Variants in EIF2AK4 observed in about 807,000 individuals in gnomAD.
EIF2AK4 encodes eukaryotic translation initiation factor 2 alpha kinase 4, also known as eIF-2-alpha kinase GCN2.
EIF2AK4 carries 139 observed loss-of-function variants against 211.1 expected under a neutral mutation model. The ratio of observed to expected loss-of-function variants is 0.66; its 90% CI spans 0.57 to 0.76. The LOEUF (loss-of-function observed/expected upper bound fraction) is 0.76, where lower values mean the gene tolerates loss of function less well. Ranked by LOEUF, EIF2AK4 falls within the 30% of genes least tolerant of loss-of-function variation. The pLI, the probability that EIF2AK4 is intolerant of heterozygous loss-of-function variation, is 0.00. For synonymous variants in EIF2AK4, 710 were observed against 751.3 expected, an observed-to-expected ratio of 0.94 and a Z score of 0.90; for missense variants, 1,664 against 2,043.8, an observed-to-expected ratio of 0.81 and a Z score of 3.58.
At chr15:40,022,216 A>ATGTGTGTGTGTG in intron 31 of EIF2AK4, 1 of 146,216 alleles carries the variant, frequency 6.8e-6, no homozygotes, top group Non-Finnish European at 1.4e-5. Context: ...GTGTGTGTGT[A>ATGTGTGTGTGTG]TGTTGTGTTG....
At chr15:39,972,740 G>A (rs2034642249) in intron 9 of EIF2AK4, among the ~76,000 whole-genome samples, 168 bp from the exon 10 acceptor site, 1 of 152,028 alleles carries the variant, frequency 6.6e-6, no homozygotes, top group South Asian at 2.1e-4. Flanking sequence ...AATCCTGCAG[G>A]AATGTTTATT....
intron 20 of EIF2AK4, among the ~76,000 whole-genome samples, chr15:39,999,120 A>T (rs180889154): frequency 6.6e-6 from 1 of 152,226 alleles, no homozygotes; most frequent in Non-Finnish European, 1.5e-5. Flanking sequence ...TGGGGCTTTA[A>T]GAAAAAAATA....
intron 11 of EIF2AK4, chr15:39,974,608 A>T (rs2140917332): frequency 6.6e-6 from 1 of 152,356 alleles, no homozygotes; most frequent in East Asian, 1.9e-4. Context: ...GGAGGGGATG[A>T]TTGAAGCGTA....
At chr15:39,941,378 A>T (rs1464962029) in intron 2 of EIF2AK4, among the ~76,000 whole-genome samples, 1 of 152,110 alleles carries the variant, frequency 6.6e-6, no homozygotes, top group African/African-American at 2.4e-5. Flanking sequence ...GTATGGTTGG[A>T]AGGGGTTTGT....
chr15:39,972,927 A>G lies in EIF2AK4; in HGVS notation c.1573A>G (p.Lys525Glu). The G allele has an allele frequency of 1.2e-6, 2 of 1,613,968 alleles. No homozygotes were observed. The highest frequency in any genetic ancestry group is 8.5e-7 in the Non-Finnish European group (1 of 1,179,986). The change falls in exon 10 of 39, where the codon AAG becomes GAG. Residue 525 changes from lysine (K) to glutamate (E), a missense_variant. By Grantham distance (56) the Lys-to-Glu change is moderately conservative. Transcript: ENST00000263791. Reference sequence around the variant, plus strand: ...ACCGAGATGTGTGTGCTTGGATGACAAGGAAAGATGGAGTCCCCAGCAGTT... The same window carrying G: ...ACCGAGATGTGTGTGCTTGGATGACGAGGAAAGATGGAGTCCCCAGCAGTT... ...FLKKCVCLDD[K>E]ERWSPQQLLK...
At position 39,994,194 on chromosome 15, in the gene EIF2AK4, T is replaced by C. The variant is rs150909445; in HGVS notation, c.2766+1346T>C. Among the ~76,000 whole-genome samples the C allele has an allele frequency of 2.5e-3, 380 of 152,314 alleles. 2 individuals are homozygous for C. The highest frequency in any genetic ancestry group is 8.8e-3 in the African/African-American group (367 of 41,556). ...GAGTAGATTGTTAGAGACCCAACACTTGAGTTCAGAGGAAAGGTGAGAATC... is the reference window on the plus strand; with the variant it reads ...GAGTAGATTGTTAGAGACCCAACACCTGAGTTCAGAGGAAAGGTGAGAATC... On this transcript the variant is annotated intron_variant, in intron 18 of 38. Coordinates refer to ENST00000263791, the MANE Select transcript of EIF2AK4 (RefSeq NM_001013703.4).
At chr15:39,997,130 T>G (rs2035028917) in intron 19 of EIF2AK4, 65 bp downstream of exon 19, 1 of 1,174,868 alleles carries the variant, frequency 8.5e-7, no homozygotes, top group African/African-American at 1.5e-5. Flanking sequence ...GAGATCAGAA[T>G]TCAAAGCAGG....
intron 32 of EIF2AK4, among the ~76,000 whole-genome samples, chr15:40,024,403 CTTTTTTTTTTTT>C (rs554877205): frequency 1.3e-3 from 115 of 90,778 alleles, no homozygotes; most frequent in Non-Finnish European, 1.8e-3. Flanking sequence ...TTGAGTTTTC[CTTTTTTTTTTTT>C]TTTTTTTTTT....
intron 8 of EIF2AK4, 53 bp from the exon 9 acceptor site, chr15:39,967,291 C>T: frequency 6.7e-7 from 1 of 1,494,396 alleles, no homozygotes. Flanking sequence ...AAATGAAACC[C>T]AAGTTAATGT....
rs1302692929 is a variant in EIF2AK4 at position 40,017,537 on chromosome 15, A to G, written c.4065+295A>G. The stretch of plus-strand genomic sequence containing the variant: ...TATATATATATATATATATATATAT[A>G]TATATATATATATATATGTATTTTG... On this transcript the variant is annotated intron_variant, in intron 29 of 38. Coordinates refer to ENST00000263791, the MANE Select transcript of EIF2AK4 (RefSeq NM_001013703.4). Among the ~76,000 whole-genome samples, 5 of 83,580 alleles carry G rather than the reference A, an allele frequency of 6.0e-5. 1 individual carries two copies. The highest frequency in any genetic ancestry group is 1.9e-4 in the African/African-American group (3 of 15,600). The allele number at this position is 83,580 out of a possible 152,430, so 54.8% of individuals were successfully genotyped here.
In EIF2AK4 at chr15:39,967,681, A is replaced by T; in HGVS notation, c.1355A>T (p.Asp452Val). The change falls in exon 9 of 39, where the codon GAC (aspartate) becomes GTC (valine). Residue 452 changes from aspartate to valine, a missense_variant. Asp to Val is a radical substitution (Grantham distance 152, BLOSUM62 -3). This residue lies in a region of EIF2AK4 where 641 missense variants were observed against 729.6 expected (regional missense o/e 0.88). Coordinates refer to ENST00000263791, the MANE Select transcript of EIF2AK4 (RefSeq NM_001013703.4). Reference protein sequence around the residue: ...TDYSISKRLADICKEDVFEQT... With the variant: ...TDYSISKRLAVICKEDVFEQT... ...TATAGCATTTCTAAGCGCCTCGCAGACATTTGCAAGGAGGATGTGTTTGAG... is the reference window on the plus strand; with the variant it reads ...TATAGCATTTCTAAGCGCCTCGCAGTCATTTGCAAGGAGGATGTGTTTGAG... 1 of 1,614,206 alleles carries T rather than the reference A, an allele frequency of 6.2e-7. No homozygotes were observed. The highest frequency in any genetic ancestry group is 1.6e-4 in the Middle Eastern group (1 of 6,062).
At chr15:39,972,811 GT>G in intron 9 of EIF2AK4, 96 bp from the exon 10 acceptor site, 3 of 883,274 alleles carry the variant, frequency 3.4e-6, no homozygotes, top group Non-Finnish European at 5.5e-6. Context: ...TCTATAATGT[GT>G]ATCTTTAAAA....
At chr15:39,978,592 A>G (rs1186245975) in intron 13 of EIF2AK4, among the ~76,000 whole-genome samples, 1 of 152,236 alleles carries the variant, frequency 6.6e-6, no homozygotes, top group Non-Finnish European at 1.5e-5. Flanking sequence ...CACACTGTGT[A>G]TCGTGATCCT....
At chr15:40,003,374 T>C in intron 23 of EIF2AK4, 60 bp downstream of exon 23, 1 of 1,595,520 alleles carries the variant, frequency 6.3e-7, no homozygotes, top group Non-Finnish European at 8.5e-7. Context: ...AGGGATGGCA[T>C]CTCTGTTAAA....
At chr15:39,939,835 T>G (rs1458008608) in intron 2 of EIF2AK4, among the ~76,000 whole-genome samples, 1 of 152,252 alleles carries the variant, frequency 6.6e-6, no homozygotes, top group Non-Finnish European at 1.5e-5. Flanking sequence ...CTACAGATAC[T>G]TATATTTGCC....
chr15:39,939,543 T>C lies in EIF2AK4; in HGVS notation c.183T>C (p.Pro61=), dbSNP rs1477205131. ...CTGAAATCAATTTAGTTTTGTACCC[T>C]CAAGGCCTAACTGGTGAAGAAGTAT... ...EPPEINLVLY[P]QGLTGEEVYV... is the part of the protein sequence containing the mutation. Residue 61 remains proline (P), a synonymous_variant, in exon 2 of 39, where the codon CCT becomes CCC. Coordinates refer to ENST00000263791, the MANE Select transcript of EIF2AK4 (RefSeq NM_001013703.4). 2 of 1,612,648 alleles carry C rather than the reference T, an allele frequency of 1.2e-6. No individual in the cohort carries two copies. The highest frequency in any genetic ancestry group is 1.7e-5 in the Admixed American group (1 of 59,968).
In EIF2AK4 at chr15:39,973,588, T is replaced by C. The variant is rs753907609; in HGVS notation, c.1661-4T>C. On this transcript the variant is annotated splice_polypyrimidine_tract_variant and splice_region_variant and intron_variant, in intron 10 of 38. Transcript: ENST00000263791. ...TGTGCCTCTTACTCCCTGTTTTATC[T>C]CAGATTCTGAAGGACAAGATTATGT... The C allele has an allele frequency of 6.2e-7, 1 of 1,608,474 alleles. No homozygotes were observed. The highest frequency in any genetic ancestry group is 8.5e-7 in the Non-Finnish European group (1 of 1,177,090).
Position 39,934,209 on chromosome 15 carries a change from G to A in EIF2AK4, c.14G>A (p.Arg5His). The stretch of plus-strand genomic sequence containing the variant: ...CGCAGCGCTGCCATGGCTGGGGGCC[G>A]TGGGGCCCCCGGGCGCGGCCGGGAC... MAGG[R>H]GAPGRGRDEP... The change falls in exon 1 of 39, where the codon CGT becomes CAT. Residue 5 changes from arginine to histidine, a missense_variant. Arg to His is a conservative substitution (Grantham distance 29). Transcript: ENST00000263791. The A allele has an allele frequency of 6.3e-7, 1 of 1,575,680 alleles. No individual in the cohort carries two copies.
intron 11 of EIF2AK4, among the ~76,000 whole-genome samples, 164 bp from the exon 12 acceptor site, chr15:39,976,250 G>A (rs892523125): frequency 3.9e-5 from 6 of 152,232 alleles, no homozygotes; most frequent in African/African-American, 1.4e-4. Context: ...TTTTGTGGCA[G>A]TCAAAGCTTT....
Sources: gnomAD v4.1 joint callset for allele counts (sites outside exome capture counted in the v4.1 genomes callset) on GRCh38, gnomAD v4.1.1 for gene constraint, gnomAD v4.1.1 regional missense constraint, MANE v1.5 for transcripts, NCBI Gene and HGNC (gene_info 2026-07-23, HGNC 2026-07-21) for gene names.